The following GMDS variants were observed in gnomAD, a reference collection of about 807,000 sequenced individuals.
GMDS encodes GDP-mannose 4,6 dehydratase.
In GMDS, 20 loss-of-function variants were observed where a neutral mutation model predicts 49.9. That is an observed-to-expected ratio of 0.40 (90% CI 0.28 to 0.58). GMDS has a LOEUF of 0.58. Ranked by LOEUF, GMDS falls within the 20% of genes least tolerant of loss-of-function variation. The pLI is 0.42. For synonymous variants in GMDS, 177 were observed against 178.6 expected (o/e 0.99, Z 0.07); for missense variants, 362 against 481.4 (o/e 0.75, Z 2.32).
At chr6:1,936,577 G>A (rs1762547540) in intron 6 of GMDS, among the ~76,000 whole-genome samples, 1 of 152,068 alleles carries the variant, frequency 6.6e-6, no homozygotes, top group Non-Finnish European at 1.5e-5. Flanking sequence ...CCAACACTAG[G>A]TCAAATAAGC....
At chr6:2,117,040 G>GC (rs1336343702) in intron 3 of GMDS, among the ~76,000 whole-genome samples, 2 of 152,172 alleles carry the variant, frequency 1.3e-5, no homozygotes, top group Non-Finnish European at 2.9e-5. Flanking sequence ...AGTTTTGATT[G>GC]CCATTTATTT....
At chr6:1,946,085 C>T (rs969392266) in intron 6 of GMDS, among the ~76,000 whole-genome samples, 3 of 152,110 alleles carry the variant, frequency 2.0e-5, no homozygotes, top group African/African-American at 7.2e-5. Context: ...ACTTCCTTTT[C>T]TCACTAATTA....
intron 9 of GMDS, among the ~76,000 whole-genome samples, chr6:1,690,856 A>G (rs1765143383): frequency 6.6e-6 from 1 of 152,190 alleles, no homozygotes; most frequent in Admixed American, 6.5e-5. Context: ...AAGTCAAGAA[A>G]CCACAGATGT....
At chr6:2,064,375 C>T (rs186291815) in intron 4 of GMDS, among the ~76,000 whole-genome samples, 159 of 151,870 alleles carry the variant, frequency 1.0e-3, no homozygotes, top group Non-Finnish European at 2.0e-3. Flanking sequence ...TACAAAAAAC[C>T]GAAGTGTGGG....
chr6:2,028,453 T>C (rs1166263500), intron 4 of GMDS, among the ~76,000 whole-genome samples: 2 of 152,326 alleles, frequency 1.3e-5, no homozygotes, highest in Non-Finnish European at 2.9e-5. Flanking sequence ...CCAAATTTAA[T>C]TAACCAAAAC....
intron 4 of GMDS, among the ~76,000 whole-genome samples, chr6:2,047,010 A>G (rs190839622): frequency 6.6e-6 from 1 of 152,220 alleles, no homozygotes; most frequent in African/African-American, 2.4e-5. Flanking sequence ...GAATTTGTGC[A>G]GCACAGAAGC....
At chr6:2,145,922 G>A (rs772589659) in intron 1 of GMDS, among the ~76,000 whole-genome samples, 2 of 152,132 alleles carry the variant, frequency 1.3e-5, no homozygotes, top group African/African-American at 2.4e-5. Flanking sequence ...TCTCATATAC[G>A]GGACTAAGCA....
rs912843052 is a variant in GMDS at position 1,836,057 on chromosome 6, C to T, written c.772-93471G>A. ...TAATTTTTTGGATTTTTAGTAGAGACAGGGTTTCACCATGTTAGCCAGGAT... is the reference window on the plus strand; with the variant it reads ...TAATTTTTTGGATTTTTAGTAGAGATAGGGTTTCACCATGTTAGCCAGGAT... On this transcript the variant is annotated intron_variant, in intron 7 of 10. Coordinates refer to ENST00000380815, the MANE Select transcript of GMDS (RefSeq NM_001500.4). The surrounding 1 kb of genome is among the most constrained non-coding windows in gnomAD (Gnocchi z 4.2). Among the ~76,000 whole-genome samples the T allele has an allele frequency of 6.6e-6, 1 of 152,056 alleles. No individual in the cohort carries two copies. Among genetic ancestry groups the T allele is most frequent in the Admixed American group, 6.6e-5 (1 of 15,250 alleles).
At chr6:1,697,092 A>G (rs1765370627) in intron 9 of GMDS, among the ~76,000 whole-genome samples, 1 of 152,224 alleles carries the variant, frequency 6.6e-6, no homozygotes, top group Non-Finnish European at 1.5e-5. Flanking sequence ...ACTTCAGACA[A>G]TGGCAGCTGT....
intron 4 of GMDS, among the ~76,000 whole-genome samples, chr6:2,096,871 A>T (rs574229404): frequency 8.4e-4 from 128 of 152,280 alleles, no homozygotes; most frequent in African/African-American, 2.9e-3. Context: ...CGTATATTAC[A>T]TGTATGTGTA....
At chr6:1,774,201 A>G (rs1044090959) in intron 7 of GMDS, among the ~76,000 whole-genome samples, 1 of 152,258 alleles carries the variant, frequency 6.6e-6, no homozygotes, top group Non-Finnish European at 1.5e-5. Flanking sequence ...ATGTTCATAT[A>G]AACATAGCTG....
At chr6:1,785,095 C>T (rs1470385501) in intron 7 of GMDS, among the ~76,000 whole-genome samples, 2 of 151,950 alleles carry the variant, frequency 1.3e-5, no homozygotes, top group Admixed American at 1.3e-4. Context: ...CTGGATAAAG[C>T]TATAGTAACA....
At chr6:1,816,382 G>C (rs1374966924) in intron 7 of GMDS, among the ~76,000 whole-genome samples, 1 of 152,068 alleles carries the variant, frequency 6.6e-6, no homozygotes, top group Admixed American at 6.6e-5. Flanking sequence ...CACATAAAAC[G>C]ACTGATTTAT....
At chr6:1,985,594 G>T (rs1476963777) in intron 4 of GMDS, among the ~76,000 whole-genome samples, 1 of 152,000 alleles carries the variant, frequency 6.6e-6, no homozygotes, top group East Asian at 1.9e-4. Context: ...TTATAAGCAG[G>T]CTAAAATGAA....
chr6:1,876,038 GA>G (rs1324053478), intron 7 of GMDS, among the ~76,000 whole-genome samples: 5 of 142,602 alleles, frequency 3.5e-5, no homozygotes, highest in African/African-American at 1.1e-4. Flanking sequence ...GAAAAGAAAA[GA>G]AAAAAAATGT....
intron 7 of GMDS, among the ~76,000 whole-genome samples, chr6:1,903,324 C>A (rs1035694151): frequency 6.6e-6 from 1 of 152,158 alleles, no homozygotes; most frequent in Non-Finnish European, 1.5e-5. Context: ...TTTGCACATA[C>A]GGAGAATTAA....
At chr6:1,733,107 TG>T (rs925304453) in intron 8 of GMDS, among the ~76,000 whole-genome samples, 1 of 152,060 alleles carries the variant, frequency 6.6e-6, no homozygotes, top group Non-Finnish European at 1.5e-5. Context: ...TGCCTCTGGA[TG>T]GGGAGGGGAT....
intron 7 of GMDS, among the ~76,000 whole-genome samples, chr6:1,752,484 T>G (rs1392575377): frequency 1.3e-5 from 2 of 152,134 alleles, no homozygotes; most frequent in South Asian, 4.1e-4. Context: ...CCAGGAGAAC[T>G]TCCCCAATCT....
intron 7 of GMDS, among the ~76,000 whole-genome samples, chr6:1,861,163 G>A (rs1410406875): frequency 6.6e-6 from 1 of 152,164 alleles, no homozygotes; most frequent in Non-Finnish European, 1.5e-5. Context: ...CACCTGGAGG[G>A]TGACGTGCAC....
Sources: gnomAD v4.1 joint callset for allele counts (sites outside exome capture counted in the v4.1 genomes callset) on GRCh38, gnomAD v4.1.1 for gene constraint, Gnocchi (gnomAD v3.1) non-coding constraint, MANE v1.5 for transcripts, NCBI Gene and HGNC (gene_info 2026-07-23, HGNC 2026-07-21) for gene names.